COPS4: variants seen among roughly 807,000 people sequenced by gnomAD.
COPS4 encodes the protein COP9 signalosome subunit 4, also known as COP9 signalosome complex subunit 4.
A neutral mutation model predicts 55.1 loss-of-function variants in COPS4; 8 were observed. The ratio of observed to expected loss-of-function variants is 0.15; its 90% CI spans 0.09 to 0.26. The LOEUF (loss-of-function observed/expected upper bound fraction) is 0.26, where lower values mean the gene tolerates loss of function less well. COPS4 is among the 10% of genes least tolerant of loss of function. The probability of loss-of-function intolerance (pLI) is 1.00; values close to 1 mark genes in which losing one functional copy is unlikely to be tolerated. For missense variants in COPS4, 248 were observed against 484.0 expected (o/e 0.51, Z 4.58); for synonymous variants, 185 against 165.7 (o/e 1.12, Z -0.90).
intron 9 of COPS4, among the ~76,000 whole-genome samples, chr4:83,074,568 TTCTCCTGTC>T: frequency 6.6e-6 from 1 of 151,428 alleles, no homozygotes; most frequent in Middle Eastern, 3.4e-3. Context: ...GTTCAAGTGA[TTCTCCTGTC>T]TCAGCCTCCC....
Position 83,068,465 on chromosome 4 carries a change from A to T in COPS4, c.1030A>T (p.Thr344Ser). Reference sequence around the variant, plus strand: ...GGAAAAGATAGCATCTCAAATGATAACCGAAGGACGTATGAATGGATTTAT... The same window carrying T: ...GGAAAAGATAGCATCTCAAATGATATCCGAAGGACGTATGAATGGATTTAT... ...KAEKIASQMITEGRMNGFIDQ... is the reference protein window; with the variant it reads ...KAEKIASQMISEGRMNGFIDQ... Residue 344 changes from threonine to serine, a missense_variant, in exon 9 of 10, where the codon ACC becomes TCC. This residue lies in a region of COPS4 where 38 missense variants were observed against 77.9 expected (regional missense o/e 0.49). Coordinates refer to ENST00000264389, the MANE Select transcript of COPS4 (RefSeq NM_016129.3). The T allele has an allele frequency of 6.2e-7, 1 of 1,612,042 alleles. No individual in the cohort carries two copies. The highest frequency in any genetic ancestry group is 8.5e-7 in the Non-Finnish European group (1 of 1,178,662).
At chr4:83,038,722 A>C (rs1422755978) in intron 1 of COPS4, among the ~76,000 whole-genome samples, 1 of 152,014 alleles carries the variant, frequency 6.6e-6, no homozygotes, top group African/African-American at 2.4e-5. Flanking sequence ...GCTCACTGCA[A>C]CCTCTGCCTC....
intron 6 of COPS4, among the ~76,000 whole-genome samples, chr4:83,057,646 G>A (rs1731048874): frequency 1.3e-5 from 2 of 152,138 alleles, no homozygotes. Flanking sequence ...AAGAGGGCTG[G>A]GCGCGGTGGC....
intron 5 of COPS4, 76 bp from the exon 6 acceptor site, chr4:83,057,182 T>G: frequency 1.3e-6 from 2 of 1,510,340 alleles, no homozygotes; most frequent in Non-Finnish European, 9.0e-7. Flanking sequence ...TAGAAATTGT[T>G]TCTCTGTTTT....
chr4:83,065,785 C>A (rs527853214), intron 7 of COPS4, among the ~76,000 whole-genome samples: 2 of 152,334 alleles, frequency 1.3e-5, no homozygotes, highest in Non-Finnish European at 2.9e-5. Flanking sequence ...GAATAGAGAT[C>A]ACTTTATCAA....
chr4:83,061,135 CT>C lies in COPS4; in HGVS notation c.716-1932del, dbSNP rs931788527. On this transcript the variant is annotated intron_variant, in intron 6 of 9. Coordinates refer to ENST00000264389, the MANE Select transcript of COPS4 (RefSeq NM_016129.3). The stretch of plus-strand genomic sequence containing the variant: ...TGCTCATTCTATTCTTCTGCATGAA[CT>C]TTTTTTTTCCTTTTTTGTACTTTTA... Among the ~76,000 whole-genome samples the C allele has an allele frequency of 5.1e-4, 77 of 150,688 alleles. 1 individual carries two copies. The highest frequency in any genetic ancestry group is 1.7e-3 in the African/African-American group (70 of 41,112).
chr4:83,041,764 G>T (rs1398769580), intron 1 of COPS4, among the ~76,000 whole-genome samples: 1 of 151,164 alleles, frequency 6.6e-6, no homozygotes, highest in East Asian at 1.9e-4. Flanking sequence ...ACTTCACCTG[G>T]CCTTACTCTC....
chr4:83,073,527 A>AT (rs1553898041), intron 9 of COPS4, among the ~76,000 whole-genome samples: 1 of 152,146 alleles, frequency 6.6e-6, no homozygotes, highest in Non-Finnish European at 1.5e-5. Flanking sequence ...AGAAAAAAAA[A>AT]GGGGGATTGT....
At chr4:83,053,335 A>C (rs921869726) in intron 4 of COPS4, among the ~76,000 whole-genome samples, 1 of 152,230 alleles carries the variant, frequency 6.6e-6, no homozygotes, top group African/African-American at 2.4e-5. Context: ...TGACAGCAAG[A>C]GAGGGACAAG....
In COPS4 at chr4:83,069,369, T is replaced by G. The variant is rs74962248; in HGVS notation, c.1087+847T>G. Among the ~76,000 whole-genome samples, 1,096 of 152,312 alleles carry G rather than the reference T, an allele frequency of 7.2e-3. 16 individuals carry two copies. The highest frequency in any genetic ancestry group is 0.01 in the Middle Eastern group (3 of 294). ...TCTGTCTCCGTTACTCTCAGTTCAATTCTTCCTTGACCTTATTGGAGTTTC... is the reference window on the plus strand; with the variant it reads ...TCTGTCTCCGTTACTCTCAGTTCAAGTCTTCCTTGACCTTATTGGAGTTTC... On this transcript the variant is annotated intron_variant, in intron 9 of 9. Coordinates refer to ENST00000264389, the MANE Select transcript of COPS4 (RefSeq NM_016129.3).
chr4:83,071,449 C>T (rs914407173), intron 9 of COPS4, among the ~76,000 whole-genome samples: 4 of 152,078 alleles, frequency 2.6e-5, no homozygotes, highest in Admixed American at 1.3e-4. Context: ...AGAGACAACT[C>T]GCTGTGTTGC....
intron 1 of COPS4, among the ~76,000 whole-genome samples, chr4:83,038,258 C>A (rs954367818): frequency 1.3e-5 from 2 of 152,178 alleles, no homozygotes; most frequent in African/African-American, 4.8e-5. Flanking sequence ...GTGCGAAGCA[C>A]AACATTACTT....
At chr4:83,046,749 C>T (rs1730730307) in intron 2 of COPS4, among the ~76,000 whole-genome samples, 2 of 152,176 alleles carry the variant, frequency 1.3e-5, no homozygotes, top group Admixed American at 6.5e-5. Flanking sequence ...AGTGTGTTCT[C>T]ACACACATTA....
At position 83,064,034 on chromosome 4, in the gene COPS4, A is replaced by G. The variant is rs1335594432; in HGVS notation, c.886+788A>G. 2.6e-5 allele frequency among the ~76,000 whole-genome samples: 4 copies of G among 152,074 alleles called. No homozygotes were observed. In the East Asian group the frequency reaches 7.7e-4, roughly 29 times the overall value. On this transcript the variant is annotated intron_variant, in intron 7 of 9. Transcript: ENST00000264389. ...TTTTAACTGGGTATACTGCTGTACTACTTAAAAAATATATATTATGGCTGG... is the reference window on the plus strand; with the variant it reads ...TTTTAACTGGGTATACTGCTGTACTGCTTAAAAAATATATATTATGGCTGG...
At chr4:83,055,366 G>A (rs1480559783) in intron 4 of COPS4, among the ~76,000 whole-genome samples, 1 of 151,940 alleles carries the variant, frequency 6.6e-6, no homozygotes, top group African/African-American at 2.4e-5. Context: ...TATTTTAATA[G>A]TGTTTTACAT....
At chr4:83,062,187 C>T (rs943975223) in intron 6 of COPS4, among the ~76,000 whole-genome samples, 5 of 151,986 alleles carry the variant, frequency 3.3e-5, no homozygotes, top group South Asian at 2.1e-4. Context: ...TATTAAGTCT[C>T]CTATCAGATA....
chr4:83,073,690 C>T (rs973086899), intron 9 of COPS4, among the ~76,000 whole-genome samples: 1 of 152,328 alleles, frequency 6.6e-6, no homozygotes, highest in Non-Finnish European at 1.5e-5. Flanking sequence ...CGTAGTGGCT[C>T]ACGCCTGTAA....
At chr4:83,070,499 A>G (rs1731397273) in intron 9 of COPS4, among the ~76,000 whole-genome samples, 1 of 152,108 alleles carries the variant, frequency 6.6e-6, no homozygotes, top group East Asian at 1.9e-4. Context: ...CCAAAACTGT[A>G]TTGTTAGCTT....
At chr4:83,063,280 A>G (rs13116756) in intron 7 of COPS4, 34 bp downstream of exon 7, 290,347 of 1,513,036 alleles carry the variant, frequency 0.19, 29,387 homozygotes, top group Middle Eastern at 0.29. Flanking sequence ...TATGGTAGTC[A>G]ATGTTTAGGT....
Sources: allele counts gnomAD v4.1 joint callset (sites outside exome capture counted in the v4.1 genomes callset), GRCh38; gene constraint gnomAD v4.1.1; regional missense constraint gnomAD v4.1.1; transcripts MANE v1.5; gene names NCBI Gene and HGNC (gene_info 2026-07-23, HGNC 2026-07-21).